Variants in KCNAB1 observed in about 807,000 individuals in gnomAD.
The protein encoded by KCNAB1 is voltage-gated potassium channel subunit beta-1.
KCNAB1 carries 35 observed loss-of-function variants against 64.6 expected under a neutral mutation model. The ratio of observed to expected loss-of-function variants is 0.54; its 90% CI spans 0.41 to 0.72. The LOEUF (loss-of-function observed/expected upper bound fraction) is 0.72, where lower values mean the gene tolerates loss of function less well. Ranked by LOEUF, KCNAB1 falls within the 30% of genes least tolerant of loss-of-function variation. The probability of loss-of-function intolerance (pLI) is 0.00; values close to 1 mark genes in which losing one functional copy is unlikely to be tolerated. For missense variants in KCNAB1, 401 were observed against 512.9 expected, an observed-to-expected ratio of 0.78 and a Z score of 2.11; for synonymous variants, 177 against 183.8, an observed-to-expected ratio of 0.96 and a Z score of 0.30.
intron 1 of KCNAB1, among the ~76,000 whole-genome samples, chr3:156,379,352 A>G (rs1260173431): frequency 6.6e-6 from 1 of 152,224 alleles, no homozygotes. Context: ...AGATGAGGAA[A>G]TCATGTACTA....
At chr3:156,369,125 T>C (rs1177544585) in intron 1 of KCNAB1, among the ~76,000 whole-genome samples, 2 of 152,144 alleles carry the variant, frequency 1.3e-5, no homozygotes, top group African/African-American at 2.4e-5. Flanking sequence ...CACCTCTCCA[T>C]AGGTAACCAC....
At chr3:156,432,022 G>A (rs867191744) in intron 2 of KCNAB1, among the ~76,000 whole-genome samples, 8 of 152,190 alleles carry the variant, frequency 5.3e-5, no homozygotes, top group African/African-American at 1.9e-4. Context: ...CATTCTGGGA[G>A]TAGGGAAGTG....
chr3:156,463,831 C>A, intron 6 of KCNAB1, 85 bp downstream of exon 6: 7 of 1,031,510 alleles, frequency 6.8e-6, no homozygotes, highest in South Asian at 4.4e-5. Flanking sequence ...TATAACGTAC[C>A]AAAATTAATT....
intron 1 of KCNAB1, among the ~76,000 whole-genome samples, chr3:156,272,846 T>C (rs1212627753): frequency 1.3e-5 from 2 of 151,994 alleles, no homozygotes; most frequent in Admixed American, 1.3e-4. Context: ...TGTCTCAGAG[T>C]CTTAACCAAG....
At chr3:156,531,827 A>G (rs1241886285) in intron 13 of KCNAB1, among the ~76,000 whole-genome samples, 2 of 152,172 alleles carry the variant, frequency 1.3e-5, no homozygotes, top group African/African-American at 4.8e-5. Context: ...ATATACATAC[A>G]TCATTTACTT....
intron 8 of KCNAB1, among the ~76,000 whole-genome samples, chr3:156,501,165 C>T (rs1395150092): frequency 6.6e-6 from 1 of 152,184 alleles, no homozygotes; most frequent in African/African-American, 2.4e-5. Flanking sequence ...CTTCCATTCT[C>T]CTCCTCGGGG....
At chr3:156,538,752 C>T (rs952367795), downstream of KCNAB1, 6 of 152,334 alleles carry the variant, frequency 3.9e-5, no homozygotes, top group East Asian at 1.2e-3. Context: ...GCACTGAATA[C>T]TCAACAGAAA....
rs976194319 is a variant in KCNAB1, at chr3:156,322,527, A to G, written c.276-99089A>G. Among the ~76,000 whole-genome samples the G allele has an allele frequency of 9.9e-5, 15 of 152,216 alleles. No individual in the cohort carries two copies. In the East Asian group the frequency reaches 1.5e-3, roughly 16 times the overall value. ...TAGGTATTATAAGTAATCAGAGACT[A>G]TTTAAAGTATACAGGAGGTTGTATG... is the stretch of plus-strand genomic sequence containing the variant. On this transcript the variant is annotated intron_variant, in intron 1 of 13. Coordinates refer to ENST00000490337, the MANE Select transcript of KCNAB1 (RefSeq NM_172160.3).
intron 1 of KCNAB1, among the ~76,000 whole-genome samples, chr3:156,331,636 C>CT (rs200935140): frequency 4.4e-4 from 66 of 151,348 alleles, no homozygotes; most frequent in South Asian, 1.9e-3. Context: ...ATTACAATGG[C>CT]TTTTTTTTTA....
intron 1 of KCNAB1, among the ~76,000 whole-genome samples, chr3:156,199,899 T>C (rs1402026904): frequency 6.6e-6 from 1 of 152,220 alleles, no homozygotes; most frequent in Non-Finnish European, 1.5e-5. Context: ...AGAAGAGGCA[T>C]TGTGGTTTTT....
At chr3:156,144,658 C>G (rs1400133156) in intron 1 of KCNAB1, among the ~76,000 whole-genome samples, 2 of 152,184 alleles carry the variant, frequency 1.3e-5, no homozygotes, top group Non-Finnish European at 2.9e-5. Flanking sequence ...CACGTTTTCT[C>G]TCTTCTCCGT....
chr3:156,469,623 T>C (rs771570795), intron 7 of KCNAB1, among the ~76,000 whole-genome samples: 3 of 152,192 alleles, frequency 2.0e-5, no homozygotes, highest in Non-Finnish European at 4.4e-5. Flanking sequence ...GATAAACCAG[T>C]TCAGCTGAAA....
At chr3:156,494,959 C>G (rs1376614209) in intron 8 of KCNAB1, among the ~76,000 whole-genome samples, 1 of 152,024 alleles carries the variant, frequency 6.6e-6, no homozygotes, top group Non-Finnish European at 1.5e-5. Flanking sequence ...CTGCACAGAT[C>G]ATCGCATGAC....
At chr3:156,193,340 A>G (rs1334611274) in intron 1 of KCNAB1, among the ~76,000 whole-genome samples, 1 of 152,180 alleles carries the variant, frequency 6.6e-6, no homozygotes, top group Non-Finnish European at 1.5e-5. Context: ...ACAGTATTTA[A>G]TAGATTATGA....
intron 1 of KCNAB1, among the ~76,000 whole-genome samples, chr3:156,217,584 A>T (rs1258169111): frequency 1.3e-5 from 2 of 152,214 alleles, no homozygotes; most frequent in Non-Finnish European, 2.9e-5. Flanking sequence ...CTCTTTTCTT[A>T]CTTGAGTTCC....
At chr3:156,449,322 G>A (rs142508630) in intron 2 of KCNAB1, among the ~76,000 whole-genome samples, 1,659 of 152,196 alleles carry the variant, frequency 0.011, 13 homozygotes, top group South Asian at 0.03. Context: ...ATTTTTCACT[G>A]TGATGTACAG....
At chr3:156,170,286 T>G (rs1005790327) in intron 1 of KCNAB1, among the ~76,000 whole-genome samples, 1 of 151,232 alleles carries the variant, frequency 6.6e-6, no homozygotes, top group Non-Finnish European at 1.5e-5. Flanking sequence ...ATTCTTATGG[T>G]TTTATGAAGT....
intron 11 of KCNAB1, 25 bp from the exon 12 acceptor site, chr3:156,523,802 A>C (rs372698379): frequency 4.7e-5 from 75 of 1,601,732 alleles, no homozygotes; most frequent in Non-Finnish European, 5.9e-5. Context: ...AGACATTAAC[A>C]TTTCAATGTT....
At chr3:156,248,030 G>A (rs1246599344) in intron 1 of KCNAB1, among the ~76,000 whole-genome samples, 2 of 152,088 alleles carry the variant, frequency 1.3e-5, no homozygotes, top group Non-Finnish European at 2.9e-5. Context: ...TGAGATGATG[G>A]CCATTTCTCC....
Sources: gnomAD v4.1 joint callset for allele counts (sites outside exome capture counted in the v4.1 genomes callset) on GRCh38, gnomAD v4.1.1 for gene constraint, MANE v1.5 for transcripts, NCBI Gene and HGNC (gene_info 2026-07-23, HGNC 2026-07-21) for gene names.